NECAB1: variants seen among roughly 807,000 people sequenced by gnomAD.
NECAB1 encodes N-terminal EF-hand calcium-binding protein 1.
NECAB1 carries 29 observed loss-of-function variants against 57.5 expected under a neutral mutation model. The ratio of observed to expected loss-of-function variants is 0.50; its 90% CI spans 0.38 to 0.69. The LOEUF is 0.69. Among genes scored for constraint, NECAB1 ranks in the 30% least tolerant of loss-of-function variants. NECAB1 has a pLI of 0.00. For synonymous variants in NECAB1, 142 were observed against 147.7 expected (o/e 0.96, Z 0.28); for missense variants, 372 against 413.8 (o/e 0.90, Z 0.88).
intron 3 of NECAB1, among the ~76,000 whole-genome samples, chr8:90,864,830 T>C (rs1808480156): frequency 6.6e-6 from 1 of 151,998 alleles, no homozygotes; most frequent in Admixed American, 6.6e-5. Context: ...ACTTCAGAGG[T>C]AAGGGGGAGC....
chr8:90,794,421 A>C (rs866192112), intron 1 of NECAB1, among the ~76,000 whole-genome samples: 2 of 152,132 alleles, frequency 1.3e-5, no homozygotes, highest in African/African-American at 2.4e-5. Context: ...GGAACAGGTA[A>C]TTTTCTGTGT....
At chr8:90,811,214 G>A (rs917207473) in intron 2 of NECAB1, among the ~76,000 whole-genome samples, 35 of 152,154 alleles carry the variant, frequency 2.3e-4, no homozygotes, top group African/African-American at 8.4e-4. Context: ...GCCTCCCAAA[G>A]TACTGGGATT....
intron 1 of NECAB1, among the ~76,000 whole-genome samples, chr8:90,799,003 G>A (rs1336361207): frequency 6.6e-6 from 1 of 152,098 alleles, no homozygotes. Flanking sequence ...ATTCTGACTG[G>A]TGTGAGATGA....
At chr8:90,927,351 G>C (rs1258414614) in intron 7 of NECAB1, among the ~76,000 whole-genome samples, 1 of 151,628 alleles carries the variant, frequency 6.6e-6, no homozygotes, top group Non-Finnish European at 1.5e-5. Flanking sequence ...TATAATTTAG[G>C]TCTTGTCTTT....
chr8:90,886,199 G>A (rs1043034957), intron 5 of NECAB1, among the ~76,000 whole-genome samples: 1 of 152,048 alleles, frequency 6.6e-6, no homozygotes, highest in African/African-American at 2.4e-5. Context: ...AAAGGCTACT[G>A]TAGCTGAGAG....
At chr8:90,891,833 A>G (rs1809180223) in intron 5 of NECAB1, among the ~76,000 whole-genome samples, 1 of 151,930 alleles carries the variant, frequency 6.6e-6, no homozygotes, top group Non-Finnish European at 1.5e-5. Flanking sequence ...AGCTGGGACC[A>G]CAGGAACACA....
chr8:90,838,825 C>T (rs1397091492), intron 3 of NECAB1, among the ~76,000 whole-genome samples: 1 of 152,202 alleles, frequency 6.6e-6, no homozygotes, highest in Non-Finnish European at 1.5e-5. Context: ...CTCCCTTTCA[C>T]AGTCAGCTGC....
intron 3 of NECAB1, among the ~76,000 whole-genome samples, chr8:90,833,390 CA>C (rs5893137): frequency 6.6e-6 from 1 of 150,870 alleles, no homozygotes. Flanking sequence ...CTATTCCTCC[CA>C]AAAAAAAGCT....
At chr8:90,879,188 ACTTT>A (rs1301988141) in intron 4 of NECAB1, among the ~76,000 whole-genome samples, 46 of 138,366 alleles carry the variant, frequency 3.3e-4, no homozygotes, top group Non-Finnish European at 6.5e-4. Context: ...TTTTGTTTTC[ACTTT>A]CTTTTTTTTT....
chr8:90,906,876 CATATATATATATATATATATAT>C (rs57808023), intron 5 of NECAB1, among the ~76,000 whole-genome samples: 3 of 121,764 alleles, frequency 2.5e-5, no homozygotes, highest in Non-Finnish European at 3.4e-5. Context: ...ATGATATACA[CATATATATATATATATATATAT>C]ATATATATAT....
chr8:90,902,251 C>A (rs1354069823), intron 5 of NECAB1, among the ~76,000 whole-genome samples: 1 of 152,074 alleles, frequency 6.6e-6, no homozygotes, highest in Non-Finnish European at 1.5e-5. Context: ...GAAACCCTGC[C>A]TCTAGTAAAA....
intron 5 of NECAB1, among the ~76,000 whole-genome samples, chr8:90,884,237 G>A (rs1808917022): frequency 1.3e-5 from 2 of 152,214 alleles, no homozygotes; most frequent in South Asian, 4.2e-4. Flanking sequence ...CCGGGCCTCT[G>A]CCTCTCTCTT....
chr8:90,893,848 C>CTT (rs1279417016), intron 5 of NECAB1, among the ~76,000 whole-genome samples: 1 of 102,288 alleles, frequency 9.8e-6, no homozygotes, highest in Non-Finnish European at 1.7e-5. Context: ...GTAAAGAATG[C>CTT]TATTTTTTTT....
chr8:90,840,358 T>A (rs16905444), intron 3 of NECAB1, among the ~76,000 whole-genome samples: 49,272 of 152,130 alleles, frequency 0.32, 9,239 homozygotes, highest in East Asian at 0.73. Flanking sequence ...ATTGACCACA[T>A]TTTGCACATA....
At chr8:90,863,409 T>C (rs565167996) in intron 3 of NECAB1, among the ~76,000 whole-genome samples, 1 of 152,278 alleles carries the variant, frequency 6.6e-6, no homozygotes, top group East Asian at 1.9e-4. Flanking sequence ...TCCTATTCTC[T>C]AAAGTAACAT....
intron 3 of NECAB1, among the ~76,000 whole-genome samples, chr8:90,832,106 T>G (rs756097858): frequency 2.6e-5 from 4 of 152,218 alleles, no homozygotes; most frequent in Non-Finnish European, 5.9e-5. Context: ...TTTTTAGGTC[T>G]GCTTTTCACT....
intron 3 of NECAB1, among the ~76,000 whole-genome samples, chr8:90,859,551 G>T (rs539319717): frequency 1.3e-5 from 2 of 152,260 alleles, no homozygotes; most frequent in East Asian, 3.9e-4. Context: ...TGGTTGAGGG[G>T]TCTGCTGTCT....
intron 12 of NECAB1, among the ~76,000 whole-genome samples, chr8:90,952,619 A>T (rs926692067): frequency 2.0e-5 from 3 of 152,024 alleles, no homozygotes; most frequent in Non-Finnish European, 4.4e-5. Context: ...TCTACTAAAA[A>T]TACAAAAAGT....
At chr8:90,817,399 A>C (rs1407632206) in intron 2 of NECAB1, among the ~76,000 whole-genome samples, 3 of 151,672 alleles carry the variant, frequency 2.0e-5, no homozygotes, top group African/African-American at 7.2e-5. Flanking sequence ...TTTCTTCTCA[A>C]TCTTAAGGAA....
Sources: gnomAD v4.1 joint callset for allele counts (sites outside exome capture counted in the v4.1 genomes callset) on GRCh38, gnomAD v4.1.1 for gene constraint, MANE v1.5 for transcripts, NCBI Gene and HGNC (gene_info 2026-07-23, HGNC 2026-07-21) for gene names.